Variants in KMT2E observed in about 807,000 individuals in gnomAD.
KMT2E encodes the protein lysine methyltransferase 2E (inactive).
Under a neutral mutation model 184.6 loss-of-function variants are expected in KMT2E, and 30 were observed. That is an observed-to-expected ratio of 0.16 (90% CI 0.12 to 0.22). The LOEUF (loss-of-function observed/expected upper bound fraction) is 0.22, where lower values mean the gene tolerates loss of function less well. Among genes scored for constraint, KMT2E ranks in the 10% least tolerant of loss-of-function variants. The pLI is 1.00. For synonymous variants in KMT2E, 815 were observed against 776.5 expected (o/e 1.05, Z -0.82); for missense variants, 2,023 against 2,237.4 (o/e 0.90, Z 1.93).
At chr7:105,059,975 G>GTTC (rs1562898146) in intron 3 of KMT2E, among the ~76,000 whole-genome samples, 1 of 45,618 alleles carries the variant, frequency 2.2e-5, no homozygotes, top group African/African-American at 6.1e-5. Context: ...TTTTCTTGTT[G>GTTC]TTGTTTTTTT....
In KMT2E at chr7:105,109,131, C is replaced by G; in HGVS notation, c.3658C>G (p.Pro1220Ala). The G allele has an allele frequency of 6.2e-7, 1 of 1,614,160 alleles. No individual in the cohort carries two copies. Among genetic ancestry groups the G allele is most frequent in the Non-Finnish European group, 8.5e-7 (1 of 1,180,004 alleles). ...CACTGCTAGCCTACCTTTACCAACA[C>G]CAGCTACAGTTTATAATGCCACTTC... The part of the protein sequence containing the change: ...DHTASLPLPT[P>A]ATVYNATSEE... The change falls in exon 23 of 27, where the codon CCA (proline) becomes GCA (alanine). Residue 1220 changes from proline (P) to alanine (A), a missense_variant. Physicochemically the swap from Pro to Ala is conservative, Grantham distance 27. This residue lies in a region of KMT2E where 1,108 missense variants were observed against 1,050.9 expected (regional missense o/e 1.05). Coordinates refer to ENST00000311117, the MANE Select transcript of KMT2E (RefSeq NM_182931.3).
At chr7:105,038,746 ATGATT>A (rs1795764767) in intron 2 of KMT2E, among the ~76,000 whole-genome samples, 1 of 152,184 alleles carries the variant, frequency 6.6e-6, no homozygotes, top group African/African-American at 2.4e-5. Context: ...TAAAAAAACT[ATGATT>A]TGACCCTAAC....
intron 1 of KMT2E, among the ~76,000 whole-genome samples, chr7:105,035,852 C>A (rs906530933): frequency 6.6e-6 from 1 of 152,200 alleles, no homozygotes; most frequent in Non-Finnish European, 1.5e-5. Context: ...AGCCACCACA[C>A]CCGGCCATAA....
chr7:105,065,899 G>T (rs1797006525), intron 5 of KMT2E, among the ~76,000 whole-genome samples: 1 of 152,106 alleles, frequency 6.6e-6, no homozygotes, highest in Non-Finnish European at 1.5e-5. Context: ...ATTAGTCTTG[G>T]CAATAAAATA....
In KMT2E at chr7:105,091,233, T is replaced by C. The variant is rs900649368; in HGVS notation, c.1641T>C (p.Asp547=). Residue 547 remains aspartate (D), a synonymous_variant, in exon 15 of 27, where the codon GAT becomes GAC. Coordinates refer to ENST00000311117, the MANE Select transcript of KMT2E (RefSeq NM_182931.3). The part of the protein sequence containing the change: ...VSNNQEPDFI[D]DIEEKTPISN... Reference sequence around the variant, plus strand: ...TTTTTCAGGAACCAGATTTTATTGATGATATAGAAGAAAAAACTCCTATTA... The same window carrying C: ...TTTTTCAGGAACCAGATTTTATTGACGATATAGAAGAAAAAACTCCTATTA... 1.9e-6 allele frequency: 3 copies of C among 1,544,306 alleles called. No individual in the cohort carries two copies. The highest frequency in any genetic ancestry group is 2.7e-6 in the Non-Finnish European group (3 of 1,119,206).
In KMT2E at chr7:105,110,379, T is replaced by C. The variant is rs1210745367; in HGVS notation, c.3844+11T>C. 3.1e-6 allele frequency: 5 copies of C among 1,613,868 alleles called. No homozygotes were observed. The highest frequency in any genetic ancestry group is 4.2e-6 in the Non-Finnish European group (5 of 1,179,846). ...AAGATAAAGATAGTGGTAAGTGAGCTTGTTCCTTCACCAGAAAGTGGAATC... is the reference window on the plus strand; with the variant it reads ...AAGATAAAGATAGTGGTAAGTGAGCCTGTTCCTTCACCAGAAAGTGGAATC... On this transcript the variant is annotated intron_variant, in intron 24 of 26. Transcript: ENST00000311117.
At chr7:105,056,212 AG>A (rs1796565659) in intron 3 of KMT2E, among the ~76,000 whole-genome samples, 1 of 152,230 alleles carries the variant, frequency 6.6e-6, no homozygotes, top group East Asian at 1.9e-4. Flanking sequence ...AAGTATATTT[AG>A]AATCATTCCG....
At chr7:105,060,583 C>T (rs910472464) in intron 3 of KMT2E, among the ~76,000 whole-genome samples, 4 of 151,926 alleles carry the variant, frequency 2.6e-5, no homozygotes, top group Non-Finnish European at 5.9e-5. Context: ...TGTGCCAACA[C>T]GCTTGGCTAG....
chr7:105,047,803 C>T (rs1228402715), intron 3 of KMT2E, among the ~76,000 whole-genome samples: 1 of 152,150 alleles, frequency 6.6e-6, no homozygotes, highest in Non-Finnish European at 1.5e-5. Flanking sequence ...TTATGACTAC[C>T]TGTGCTTTTC....
At chr7:105,062,321 G>C (rs199541817) in intron 4 of KMT2E, 43 bp downstream of exon 4, 2 of 1,345,932 alleles carry the variant, frequency 1.5e-6, no homozygotes, top group Non-Finnish European at 2.1e-6. Flanking sequence ...TTTAAATTTA[G>C]AGATTGAAAG....
intron 15 of KMT2E, among the ~76,000 whole-genome samples, chr7:105,096,082 C>A (rs2129569155): frequency 6.6e-6 from 1 of 151,988 alleles, no homozygotes; most frequent in South Asian, 2.1e-4. Context: ...TGGCAAAACT[C>A]CATCTCTACT....
At chr7:105,056,378 A>G (rs1326147096) in intron 3 of KMT2E, among the ~76,000 whole-genome samples, 13 of 152,178 alleles carry the variant, frequency 8.5e-5, no homozygotes, top group Admixed American at 6.5e-4. Flanking sequence ...GGCTCTATCT[A>G]TTACAAGGGT....
At chr7:105,051,103 TCTC>T (rs1562892331) in intron 3 of KMT2E, among the ~76,000 whole-genome samples, 16 of 151,064 alleles carry the variant, frequency 1.1e-4, no homozygotes, top group African/African-American at 3.7e-4. Flanking sequence ...TTTCTCTCTC[TCTC>T]TCTTTCTTCC....
chr7:105,035,063 T>TA (rs2129564868), intron 1 of KMT2E, among the ~76,000 whole-genome samples: 2 of 150,114 alleles, frequency 1.3e-5, no homozygotes, highest in South Asian at 4.3e-4. Context: ...CTTGCTGTGT[T>TA]GCCCAGGCTG....
chr7:105,024,768 T>TAG (rs1277015549), intron 1 of KMT2E, among the ~76,000 whole-genome samples: 3 of 152,194 alleles, frequency 2.0e-5, no homozygotes, highest in Non-Finnish European at 4.4e-5. Context: ...GCTTTATACT[T>TAG]TTCCAAGAAA....
intron 17 of KMT2E, 88 bp downstream of exon 17, chr7:105,102,282 C>A: frequency 8.9e-7 from 1 of 1,125,136 alleles, no homozygotes; most frequent in Non-Finnish European, 1.2e-6. Context: ...TTTTTAAGAC[C>A]TCATAATAAT....
rs374380608 is a variant in KMT2E, at chr7:105,077,182, C to T, written c.988C>T (p.Pro330Ser). Reference sequence around the variant, plus strand: ...GAATACCAACAATTTGCTCTTCAAACCTCCTGTAGAGGTAAATACATCATT... The same window carrying T: ...GAATACCAACAATTTGCTCTTCAAATCTCCTGTAGAGGTAAATACATCATT... ...DLNTNNLLFK[P>S]PVESHIQKNK... Residue 330 changes from proline to serine, a missense_variant, in exon 10 of 27, where the codon CCT becomes TCT. Physicochemically the swap from Pro to Ser is moderately conservative, Grantham distance 74 (BLOSUM62 -1). This residue lies in a region of KMT2E where 191 missense variants were observed against 209.0 expected (regional missense o/e 0.91). Transcript: ENST00000311117. 1 of 1,613,056 alleles carries T rather than the reference C, an allele frequency of 6.2e-7. No individual in the cohort carries two copies. The highest frequency in any genetic ancestry group is 2.2e-5 in the East Asian group (1 of 44,816).
intron 17 of KMT2E, chr7:105,105,189 AT>A (rs1242282353): frequency 3.1e-6 from 1 of 323,002 alleles, no homozygotes; most frequent in African/African-American, 2.2e-5. Flanking sequence ...TACAAATTTC[AT>A]GTAATATAAA....
chr7:105,071,316 G>C (rs1797276282), intron 6 of KMT2E, among the ~76,000 whole-genome samples: 1 of 151,334 alleles, frequency 6.6e-6, no homozygotes, highest in Non-Finnish European at 1.5e-5. Context: ...AATTTTGTTA[G>C]ATTGTCAAAT....
Sources: gnomAD v4.1 joint callset for allele counts (sites outside exome capture counted in the v4.1 genomes callset) on GRCh38, gnomAD v4.1.1 for gene constraint, gnomAD v4.1.1 regional missense constraint, MANE v1.5 for transcripts, NCBI Gene and HGNC (gene_info 2026-07-23, HGNC 2026-07-21) for gene names.